Variants in UAP1 observed in about 807,000 individuals in gnomAD.
UAP1 encodes UDP-N-acetylglucosamine pyrophosphorylase 1.
UAP1 carries 25 observed loss-of-function variants against 58.5 expected under a neutral mutation model. That is an observed-to-expected ratio of 0.43 (90% CI 0.31 to 0.60). The LOEUF is 0.60. Ranked by LOEUF, UAP1 falls within the 20% of genes least tolerant of loss-of-function variation. The probability of loss-of-function intolerance (pLI) is 0.11; values close to 1 mark genes in which losing one functional copy is unlikely to be tolerated. For synonymous variants in UAP1, 208 were observed against 213.0 expected (o/e 0.98, Z 0.21); for missense variants, 575 against 630.0 (o/e 0.91, Z 0.93).
chr1:162,564,190 G>T (rs1432957618), intron 1 of UAP1, among the ~76,000 whole-genome samples: 1 of 152,110 alleles, frequency 6.6e-6, no homozygotes, highest in Non-Finnish European at 1.5e-5. Context: ...AATGAACATT[G>T]AAAGCTGAGT....
At chr1:162,576,848 G>A (rs1384163273) in exon 3 of UAP1, 24 of 1,614,138 alleles carry the variant, frequency 1.5e-5, no homozygotes, top group East Asian at 2.2e-5. Flanking sequence ...AAGACTCGGC[G>A]TTGCATATCC....
At position 162,567,677 on chromosome 1, in the gene UAP1, T is replaced by TAA. The variant is rs59340520; in HGVS notation, c.280+1330_280+1331dup. Among the ~76,000 whole-genome samples, 299 of 152,358 alleles carry TAA rather than the reference T, an allele frequency of 2.0e-3. 5 individuals carry two copies. The East Asian group carries it at 0.048, about 25-fold the overall frequency. ...TGGGCAAATACTTTCCTTAGCTTTT[T>TAA]AAGACATTATTTTATTGCAAAAATA... On this transcript the variant is annotated intron_variant, in intron 2 of 10. Transcript: ENST00000271469.
intron 1 of UAP1, among the ~76,000 whole-genome samples, chr1:162,564,398 C>T (rs1402563367): frequency 6.6e-6 from 1 of 152,210 alleles, no homozygotes; most frequent in Admixed American, 6.5e-5. Flanking sequence ...ATGTGTATTA[C>T]TTTTCACTGT....
At chr1:162,581,164 T>C (rs1654563636) in intron 4 of UAP1, 123 bp from the exon 5 acceptor site, 1 of 1,081,924 alleles carries the variant, frequency 9.2e-7, no homozygotes, top group African/African-American at 1.6e-5. Context: ...GGATATTCAG[T>C]TTTCTTGCCT....
chr1:162,578,367 AC>A (rs1199554605), intron 3 of UAP1, among the ~76,000 whole-genome samples: 2 of 152,210 alleles, frequency 1.3e-5, no homozygotes, highest in African/African-American at 4.8e-5. Context: ...CTCTGGACTT[AC>A]AATCTATTTT....
At chr1:162,587,498 A>G (rs369511747) in exon 6 of UAP1, 4 of 1,613,730 alleles carry the variant, frequency 2.5e-6, no homozygotes, top group Non-Finnish European at 3.4e-6. Context: ...CGAACCCTAC[A>G]GAACCAGTTG....
intron 5 of UAP1, among the ~76,000 whole-genome samples, chr1:162,584,903 C>T (rs1654812915): frequency 6.6e-6 from 1 of 152,162 alleles, no homozygotes; most frequent in African/African-American, 2.4e-5. Flanking sequence ...AAGGTAGGAA[C>T]CATTGTTAAC....
intron 1 of UAP1, among the ~76,000 whole-genome samples, chr1:162,565,400 A>G (rs1653429278): frequency 6.6e-6 from 1 of 152,120 alleles, no homozygotes; most frequent in African/African-American, 2.4e-5. Context: ...CTCTTTAAGG[A>G]GGATCCAAGT....
chr1:162,581,706 G>A (rs931284305), intron 5 of UAP1, among the ~76,000 whole-genome samples: 6 of 152,078 alleles, frequency 3.9e-5, no homozygotes, highest in African/African-American at 1.2e-4. Flanking sequence ...TAAGTACTTC[G>A]GAAAGTGGTC....
intron 2 of UAP1, among the ~76,000 whole-genome samples, chr1:162,574,528 G>A (rs10917568): frequency 0.022 from 3,346 of 152,316 alleles, 120 homozygotes; most frequent in African/African-American, 0.075. Flanking sequence ...ATTGATAGTT[G>A]CCATCACTGA....
rs1055005778 is a variant in UAP1 at position 162,586,981 on chromosome 1, A to G, written c.835-494A>G. On this transcript the variant is annotated intron_variant, in intron 5 of 10. Coordinates refer to ENST00000271469, the Ensembl canonical transcript of UAP1. ...CTCAGGTCCCTGAAACACAAGGAAA[A>G]TGCCAAAATTAAAGAAATGCTTTTT... Among the ~76,000 whole-genome samples the G allele has an allele frequency of 2.6e-5, 4 of 152,318 alleles. 1 individual carries two copies. Among genetic ancestry groups the G allele is most frequent in the Admixed American group, 2.6e-4 (4 of 15,304 alleles).
chr1:162,577,681 G>A (rs779853852), intron 3 of UAP1, among the ~76,000 whole-genome samples: 16 of 150,986 alleles, frequency 1.1e-4, no homozygotes, highest in Admixed American at 5.3e-4. Flanking sequence ...GCGCGATTTC[G>A]GCCCACTGCA....
intron 1 of UAP1, among the ~76,000 whole-genome samples, chr1:162,562,007 A>G (rs1653172218): frequency 6.6e-6 from 1 of 152,098 alleles, no homozygotes. Flanking sequence ...ACCCCGCGAG[A>G]GGGTGTGTGG....
chr1:162,584,370 C>T (rs1348226983), intron 5 of UAP1, among the ~76,000 whole-genome samples: 2 of 152,220 alleles, frequency 1.3e-5, no homozygotes, highest in African/African-American at 4.8e-5. Context: ...AATTGCTCCC[C>T]TGCCCTTTTA....
chr1:162,567,634 C>A (rs1201356313), intron 2 of UAP1, among the ~76,000 whole-genome samples: 2 of 152,182 alleles, frequency 1.3e-5, no homozygotes, highest in African/African-American at 4.8e-5. Flanking sequence ...CTCATTTTCT[C>A]AACTGTGAAT....
At chr1:162,594,006 C>T (rs759380719) in intron 9 of UAP1, among the ~76,000 whole-genome samples, 2 of 152,132 alleles carry the variant, frequency 1.3e-5, no homozygotes, top group Admixed American at 6.5e-5. Flanking sequence ...TGTAGATCAG[C>T]GGTCTCCAAC....
chr1:162,584,717 A>G (rs547153936), intron 5 of UAP1, among the ~76,000 whole-genome samples: 1 of 152,070 alleles, frequency 6.6e-6, no homozygotes, highest in Non-Finnish European at 1.5e-5. Flanking sequence ...TCCTGGGCTC[A>G]GGTGATCTGC....
chr1:162,597,629 A>C, intron 9 of UAP1, 163 bp from the exon 10 acceptor site: 1 of 560,028 alleles, frequency 1.8e-6, no homozygotes, highest in South Asian at 2.7e-5. Flanking sequence ...ATATTAACTT[A>C]ATCCTCAGGG....
chr1:162,587,587 G>A lies in UAP1; in HGVS notation c.947G>A (p.Ser316Asn), dbSNP rs116382508. Residue 316 changes from serine (S) to asparagine (N), a missense_variant, in exon 6 of 11, where the codon AGC becomes AAC. Coordinates refer to ENST00000271469, the Ensembl canonical transcript of UAP1. ...TCCCTGGCAACAGCTCAAAAACGAA[G>A]CTCAGACGGACGACTGCTGTTCAAT... 2.4e-5 allele frequency: 38 copies of A among 1,614,114 alleles called. No individual in the cohort carries two copies. The East Asian group carries it at 8.0e-4, about 34-fold the overall frequency.
Sources: gnomAD v4.1 joint callset for allele counts (sites outside exome capture counted in the v4.1 genomes callset) on GRCh38, gnomAD v4.1.1 for gene constraint, MANE v1.5 for transcripts, NCBI Gene and HGNC (gene_info 2026-07-23, HGNC 2026-07-21) for gene names.